EFCAB6: variants seen among roughly 807,000 people sequenced by gnomAD.
The protein encoded by EFCAB6 is EF-hand calcium-binding domain-containing protein 6.
A neutral mutation model predicts 169.8 loss-of-function variants in EFCAB6; 156 were observed. The observed-to-expected ratio is 0.92, with a 90% CI of 0.81 to 1.05. EFCAB6 has a LOEUF of 1.05. Ranked by LOEUF, EFCAB6 falls within the 50% of genes least tolerant of loss-of-function variation. The pLI is 0.00. For synonymous variants in EFCAB6, 698 were observed against 676.4 expected (o/e 1.03, Z -0.50); for missense variants, 1,800 against 1,829.1 (o/e 0.98, Z 0.29).
At chr22:43,805,670 A>G (rs905806118) in intron 2 of EFCAB6, among the ~76,000 whole-genome samples, 1 of 152,212 alleles carries the variant, frequency 6.6e-6, no homozygotes, top group Non-Finnish European at 1.5e-5. Flanking sequence ...ACAATAACCT[A>G]TTGTACATTT....
intron 15 of EFCAB6, among the ~76,000 whole-genome samples, chr22:43,670,292 G>A (rs2057431695): frequency 6.6e-6 from 1 of 152,148 alleles, no homozygotes; most frequent in Admixed American, 6.5e-5. Flanking sequence ...TACTCCATAT[G>A]AGAAACACCT....
At chr22:43,546,831 C>A (rs1248154302) in intron 27 of EFCAB6, among the ~76,000 whole-genome samples, 11 of 151,252 alleles carry the variant, frequency 7.3e-5, no homozygotes, top group Non-Finnish European at 1.2e-4. Context: ...CGAGATCATG[C>A]CATTGAACTC....
At chr22:43,640,004 C>A (rs1217307381) in intron 17 of EFCAB6, among the ~76,000 whole-genome samples, 1 of 152,066 alleles carries the variant, frequency 6.6e-6, no homozygotes, top group East Asian at 1.9e-4. Context: ...CTTATAATTT[C>A]TATTTCTCTG....
chr22:43,590,053 T>C, intron 24 of EFCAB6, 21 bp downstream of exon 24: 1 of 1,608,898 alleles, frequency 6.2e-7, no homozygotes, highest in Non-Finnish European at 8.5e-7. Context: ...GAGAAACATA[T>C]TTAACTGAGT....
At chr22:43,545,508 A>C (rs1324705284) in intron 27 of EFCAB6, among the ~76,000 whole-genome samples, 2 of 152,228 alleles carry the variant, frequency 1.3e-5, no homozygotes, top group African/African-American at 4.8e-5. Context: ...GCTAACCCCA[A>C]AGACGGGTGA....
At chr22:43,791,203 G>C (rs2062273474) in intron 2 of EFCAB6, among the ~76,000 whole-genome samples, 1 of 151,976 alleles carries the variant, frequency 6.6e-6, no homozygotes, top group Non-Finnish European at 1.5e-5. Context: ...GCAAAACCCT[G>C]TCACTACAAA....
intron 19 of EFCAB6, among the ~76,000 whole-genome samples, chr22:43,627,681 A>G (rs773257906): frequency 5.3e-5 from 8 of 152,112 alleles, no homozygotes; most frequent in Non-Finnish European, 1.0e-4. Context: ...GCCTCGTTCC[A>G]TCGGCACCTG....
At chr22:43,673,658 T>C (rs987043683) in intron 13 of EFCAB6, among the ~76,000 whole-genome samples, 1 of 152,100 alleles carries the variant, frequency 6.6e-6, no homozygotes, top group African/African-American at 2.4e-5. Context: ...TGTGCGCCTA[T>C]AATCCCAGCT....
chr22:43,600,943 G>A (rs1320474903), intron 22 of EFCAB6, among the ~76,000 whole-genome samples: 6 of 152,186 alleles, frequency 3.9e-5, no homozygotes, highest in Admixed American at 2.6e-4. Flanking sequence ...GATTACAGGC[G>A]TGAGCTGCCA....
intron 3 of EFCAB6, among the ~76,000 whole-genome samples, chr22:43,773,583 C>T (rs1003525914): frequency 2.0e-5 from 3 of 152,252 alleles, no homozygotes; most frequent in Non-Finnish European, 4.4e-5. Context: ...CACGGTGGCT[C>T]ACGCCTGTAA....
chr22:43,627,581 G>A (rs184440273), intron 19 of EFCAB6, among the ~76,000 whole-genome samples: 113 of 152,330 alleles, frequency 7.4e-4, no homozygotes, highest in Admixed American at 2.2e-3. Flanking sequence ...CATACAGCAA[G>A]TGCAAGGCTC....
At chr22:43,555,164 C>A in intron 26 of EFCAB6, 68 bp from the exon 27 acceptor site, 1 of 1,523,450 alleles carries the variant, frequency 6.6e-7, no homozygotes, top group Non-Finnish European at 9.0e-7. Flanking sequence ...CTGGGCTCCT[C>A]ACCCAGGGCA....
intron 17 of EFCAB6, among the ~76,000 whole-genome samples, chr22:43,647,448 C>G (rs930986919): frequency 6.6e-6 from 1 of 152,122 alleles, no homozygotes. Context: ...AGGTTCTATC[C>G]AGGAACTGGG....
intron 5 of EFCAB6, among the ~76,000 whole-genome samples, chr22:43,757,763 C>G (rs1323279000): frequency 6.6e-6 from 1 of 152,150 alleles, no homozygotes; most frequent in Non-Finnish European, 1.5e-5. Context: ...CTGCTTCAGC[C>G]TGCTTCCCTT....
At chr22:43,675,363 A>G (rs1446521939) in intron 13 of EFCAB6, among the ~76,000 whole-genome samples, 1 of 125,778 alleles carries the variant, frequency 8.0e-6, no homozygotes, top group Non-Finnish European at 1.6e-5. Context: ...ACTATAATAT[A>G]TAATATAATA....
intron 23 of EFCAB6, among the ~76,000 whole-genome samples, chr22:43,596,417 A>C (rs1220637462): frequency 6.6e-6 from 1 of 152,166 alleles, no homozygotes; most frequent in Non-Finnish European, 1.5e-5. Flanking sequence ...ATACGAAATC[A>C]ATACACAAAA....
intron 27 of EFCAB6, among the ~76,000 whole-genome samples, chr22:43,542,117 GC>G (rs2047769092): frequency 6.6e-6 from 1 of 152,248 alleles, no homozygotes; most frequent in South Asian, 2.1e-4. Flanking sequence ...TGGACTCGGA[GC>G]TGAGGAGGCA....
intron 6 of EFCAB6, among the ~76,000 whole-genome samples, chr22:43,736,731 A>G (rs1254917627): frequency 6.6e-6 from 1 of 152,132 alleles, no homozygotes; most frequent in Non-Finnish European, 1.5e-5. Context: ...AAAGAAACAC[A>G]GAGCTGTGTG....
At position 43,632,154 on chromosome 22, in the gene EFCAB6, G is replaced by C. The variant is rs2054997239; in HGVS notation, c.2183C>G (p.Ala728Gly). Reference protein sequence around the residue: ...KSYVNSHFITAEECLKLFPRR... With the variant: ...KSYVNSHFITGEECLKLFPRR... ...AGGGAAAAGCTTCAGGCATTCTTCT[G>C]CGGTGATAAAGTGGCTGTTCACGTA... The change falls in exon 19 of 32, where the codon GCA becomes GGA. Residue 728 changes from alanine to glycine, a missense_variant. Coordinates refer to ENST00000262726, the MANE Select transcript of EFCAB6 (RefSeq NM_022785.4). 7 of 1,614,106 alleles carry C rather than the reference G, an allele frequency of 4.3e-6. No homozygotes were observed. In the East Asian group the frequency reaches 1.6e-4, roughly 36 times the overall value.
Sources: allele counts gnomAD v4.1 joint callset (sites outside exome capture counted in the v4.1 genomes callset), GRCh38; gene constraint gnomAD v4.1.1; transcripts MANE v1.5; gene names NCBI Gene and HGNC (gene_info 2026-07-23, HGNC 2026-07-21).